EDC3: variants seen among roughly 807,000 people sequenced by gnomAD.
The protein encoded by EDC3 is enhancer of mRNA decapping 3, also known as enhancer of mRNA-decapping protein 3.
Under a neutral mutation model 41.8 loss-of-function variants are expected in EDC3, and 20 were observed. The ratio of observed to expected loss-of-function variants is 0.48; its 90% CI spans 0.34 to 0.70. The LOEUF is 0.70. Ranked by LOEUF, EDC3 falls within the 30% of genes least tolerant of loss-of-function variation. The pLI is 0.01. For missense variants in EDC3, 444 were observed against 636.8 expected, an observed-to-expected ratio of 0.70 and a Z score of 3.26; for synonymous variants, 206 against 243.2, an observed-to-expected ratio of 0.85 and a Z score of 1.42.
rs780126673 is a variant in EDC3, at chr15:74,632,707, C to G, written c.1432G>C (p.Asp478His). 1 of 1,614,144 alleles carries G rather than the reference C, an allele frequency of 6.2e-7. No individual in the cohort carries two copies. Among genetic ancestry groups the G allele is most frequent in the Admixed American group, 1.7e-5 (1 of 60,024 alleles). Reference protein sequence around the residue: ...GEHAGRIYLCDIGIPQQVFQE... With the variant: ...GEHAGRIYLCHIGIPQQVFQE... ...AAGACCTGCTGGGGAATGCCAATGT[C>G]GCACAAATAGATACGGCCTGCGTGC... Residue 478 changes from aspartate to histidine, a missense_variant, in exon 7 of 7, where the codon GAC becomes CAC. Coordinates refer to ENST00000315127, the MANE Select transcript of EDC3 (RefSeq NM_025083.5). The surrounding 1 kb of genome is among the most constrained non-coding windows in gnomAD (Gnocchi z 4.0).
At chr15:74,640,203 G>A in intron 5 of EDC3, 1 of 410,578 alleles carries the variant, frequency 2.4e-6, no homozygotes, top group East Asian at 4.8e-5. Flanking sequence ...ATAGTTAGCA[G>A]GAGTCTCAGG....
In EDC3 at chr15:74,674,782, CA is replaced by C. The variant is rs1471498619; in HGVS notation, c.164+178del. ...GAAATCCCAGCACTTCGGGAGGCCA[CA>C]ACGGGCAGATTACTTGAGGCCAGTA... On this transcript the variant is annotated intron_variant, in intron 2 of 6. Coordinates refer to ENST00000315127, the MANE Select transcript of EDC3 (RefSeq NM_025083.5). The C allele has an allele frequency of 4.5e-6, 3 of 666,592 alleles. No individual in the cohort carries two copies. The African/African-American group carries it at 5.4e-5, about 12-fold the overall frequency. The allele number at this position is 666,592 out of a possible 1,614,324, so 41.3% of individuals were successfully genotyped here.
Position 74,635,596 on chromosome 15 carries a change from A to G in EDC3, c.1005T>C (p.Pro335=), listed in dbSNP as rs1011784175. ...RLNPKNVHQR[P]TVALLCGPHV... ...GAGGTCCACACAGTAGAGCCACTGT[A>G]GGCCTCTGGTGAACATTTTTGGGAT... Residue 335 remains proline (P), a synonymous_variant, in exon 6 of 7, where the codon CCT becomes CCC. Coordinates refer to ENST00000315127, the MANE Select transcript of EDC3 (RefSeq NM_025083.5). 7.4e-6 allele frequency: 12 copies of G among 1,613,698 alleles called. No individual in the cohort carries two copies. Among genetic ancestry groups the G allele is most frequent in the Non-Finnish European group, 9.3e-6 (11 of 1,179,674 alleles).
At chr15:74,645,956 C>CT (rs1365144207) in intron 4 of EDC3, among the ~76,000 whole-genome samples, 2 of 151,798 alleles carry the variant, frequency 1.3e-5, no homozygotes, top group Admixed American at 1.3e-4. Context: ...AGTAACAGTA[C>CT]ATCAAGCAAG....
intron 3 of EDC3, among the ~76,000 whole-genome samples, chr15:74,660,410 CAA>C (rs1370978310): frequency 1.4e-3 from 101 of 69,964 alleles, no homozygotes; most frequent in African/African-American, 5.2e-3. Flanking sequence ...ACTCCGTCTC[CAA>C]AAATATATAT....
chr15:74,650,098 A>G (rs1192701235), intron 4 of EDC3, among the ~76,000 whole-genome samples: 2 of 152,144 alleles, frequency 1.3e-5, no homozygotes, highest in Non-Finnish European at 2.9e-5. Context: ...AAACTACATC[A>G]TGAGCATGAC....
At chr15:74,678,870 A>T (rs2141664009) in intron 1 of EDC3, among the ~76,000 whole-genome samples, 1 of 145,012 alleles carries the variant, frequency 6.9e-6, no homozygotes, top group African/African-American at 2.6e-5. Flanking sequence ...AGCTTGGGCG[A>T]CAGAGCGAGA....
intron 3 of EDC3, among the ~76,000 whole-genome samples, chr15:74,660,111 T>A (rs1239221716): frequency 6.6e-6 from 1 of 151,534 alleles, no homozygotes; most frequent in Non-Finnish European, 1.5e-5. Flanking sequence ...GAGGCTGAGA[T>A]GGGAGGATCA....
At chr15:74,654,253 C>CAAA (rs61594463) in intron 4 of EDC3, among the ~76,000 whole-genome samples, 74 of 96,706 alleles carry the variant, frequency 7.7e-4, no homozygotes, top group Admixed American at 1.9e-3. Context: ...GACTTCGTCT[C>CAAA]AAAAAAAAAA....
Position 74,647,671 on chromosome 15 carries a change from G to A in EDC3, c.821-7052C>T, listed in dbSNP as rs185025633. ...ATTATCCAGGCCCAGGAACTCTGAAGGATTCCAAGGTAAAGAAAGGGACTG... is the reference window on the plus strand; with the variant it reads ...ATTATCCAGGCCCAGGAACTCTGAAAGATTCCAAGGTAAAGAAAGGGACTG... On this transcript the variant is annotated intron_variant, in intron 4 of 6. Transcript: ENST00000315127. Among the ~76,000 whole-genome samples the A allele has an allele frequency of 2.6e-4, 40 of 152,270 alleles. 1 individual carries two copies. The highest frequency in any genetic ancestry group is 9.6e-4 in the African/African-American group (40 of 41,552).
Position 74,671,355 on chromosome 15 carries a change from T to G in EDC3, c.484+100A>C. The G allele has an allele frequency of 7.6e-7, 1 of 1,316,638 alleles. No homozygotes were observed. 81.6% of individuals were successfully genotyped at this position (1,316,638 alleles called of 1,614,324 possible). On this transcript the variant is annotated intron_variant, in intron 3 of 6. Coordinates refer to ENST00000315127, the MANE Select transcript of EDC3 (RefSeq NM_025083.5). This position sits in a 1 kb window ranked among gnomAD's most constrained non-coding sequence, Gnocchi z 4.6. The stretch of plus-strand genomic sequence containing the variant: ...TGTGACGCTCAGCCAGCATCCATTT[T>G]ATTGGAATAACAAAGGATTTGTTTA...
chr15:74,637,964 C>G (rs1295749448), intron 5 of EDC3: 1 of 152,222 alleles, frequency 6.6e-6, no homozygotes, highest in South Asian at 2.1e-4. Context: ...GTGGCCTCCC[C>G]ACTCCAGACA....
At position 74,652,776 on chromosome 15, in the gene EDC3, C is replaced by T. The variant is rs556915085; in HGVS notation, c.820+2957G>A. Among the ~76,000 whole-genome samples, 11 of 151,842 alleles carry T rather than the reference C, an allele frequency of 7.2e-5. No individual in the cohort carries two copies. In the South Asian group the frequency reaches 2.3e-3, roughly 32 times the overall value. ...TCTATTGTTTGTAGAGACAGGGTCT[C>T]ACTTTGTTGCCCAGGCTGGTCTTGA... On this transcript the variant is annotated intron_variant, in intron 4 of 6. Coordinates refer to ENST00000315127, the MANE Select transcript of EDC3 (RefSeq NM_025083.5).
chr15:74,646,910 T>C (rs1482361004), intron 4 of EDC3, among the ~76,000 whole-genome samples: 1 of 151,890 alleles, frequency 6.6e-6, no homozygotes, highest in Non-Finnish European at 1.5e-5. Flanking sequence ...GAATGAATAC[T>C]ACTGAGGATA....
chr15:74,654,253 C>CAAAA (rs61594463), intron 4 of EDC3, among the ~76,000 whole-genome samples: 1 of 96,716 alleles, frequency 1.0e-5, no homozygotes, highest in Admixed American at 9.5e-5. Flanking sequence ...GACTTCGTCT[C>CAAAA]AAAAAAAAAA....
chr15:74,683,410 C>T (rs1052498698), intron 1 of EDC3, among the ~76,000 whole-genome samples: 6 of 152,140 alleles, frequency 3.9e-5, no homozygotes, highest in Non-Finnish European at 7.4e-5. Flanking sequence ...TGGCAAGCGC[C>T]TATAGTCCCA....
At position 74,632,732 on chromosome 15, in the gene EDC3, C is replaced by T. The variant is rs762218080; in HGVS notation, c.1407G>A (p.Glu469=). Residue 469 remains glutamate, a synonymous_variant, in exon 7 of 7, where the codon GAG becomes GAA. Coordinates refer to ENST00000315127, the MANE Select transcript of EDC3 (RefSeq NM_025083.5). The surrounding 1 kb of genome is among the most constrained non-coding windows in gnomAD (Gnocchi z 4.0). ...LALGLPLPLG[E]HAGRIYLCDI... is the part of the protein sequence containing the mutation. ...CGCACAAATAGATACGGCCTGCGTGCTCCCCCAGTGGCAGAGGCAGGCCCA... is the reference window on the plus strand; with the variant it reads ...CGCACAAATAGATACGGCCTGCGTGTTCCCCCAGTGGCAGAGGCAGGCCCA... 3 of 1,614,222 alleles carry T rather than the reference C, an allele frequency of 1.9e-6. No individual in the cohort carries two copies. The South Asian group carries it at 3.3e-5, about 18-fold the overall frequency.
intron 6 of EDC3, among the ~76,000 whole-genome samples, chr15:74,634,060 T>G (rs928141004): frequency 6.6e-6 from 1 of 152,014 alleles, no homozygotes; most frequent in African/African-American, 2.4e-5. Context: ...CCATATTTGC[T>G]CTCTCCAATT....
chr15:74,633,938 C>T (rs2062241768), intron 6 of EDC3, among the ~76,000 whole-genome samples: 1 of 152,120 alleles, frequency 6.6e-6, no homozygotes, highest in Non-Finnish European at 1.5e-5. Context: ...GAGTGGCATC[C>T]TATCTTCTGT....
Sources: allele counts gnomAD v4.1 joint callset (sites outside exome capture counted in the v4.1 genomes callset), GRCh38; gene constraint gnomAD v4.1.1; non-coding constraint Gnocchi (gnomAD v3.1); transcripts MANE v1.5; gene names NCBI Gene and HGNC (gene_info 2026-07-23, HGNC 2026-07-21).